The following PCDHA1 variants were observed in gnomAD, a reference collection of about 807,000 sequenced individuals.
PCDHA1 encodes the protein protocadherin alpha 1.
A neutral mutation model predicts 61.3 loss-of-function variants in PCDHA1; 42 were observed. The observed-to-expected ratio is 0.69, with a 90% CI of 0.54 to 0.89. The LOEUF (loss-of-function observed/expected upper bound fraction) is 0.89. Ranked by LOEUF, PCDHA1 falls within the 40% of genes least tolerant of loss-of-function variation. The pLI, the probability that PCDHA1 is intolerant of heterozygous loss-of-function variation, is 0.00. For synonymous variants in PCDHA1, 610 were observed against 553.8 expected (o/e 1.10, Z -1.43); for missense variants, 1,256 against 1,235.3 (o/e 1.02, Z -0.25).
intron 3 of PCDHA1, among the ~76,000 whole-genome samples, chr5:141,000,371 C>G (rs868969531): frequency 6.1e-5 from 3 of 49,260 alleles, no homozygotes; most frequent in Admixed American, 2.7e-4. Flanking sequence ...GTCTCTCTCT[C>G]TCTCTCTCTC....
chr5:140,969,249 A>G (rs1586364972), intron 1 of PCDHA1: 1 of 1,614,240 alleles, frequency 6.2e-7, no homozygotes, highest in Admixed American at 1.7e-5. Flanking sequence ...GCAGTGACTG[A>G]CAGCAGGAAT....
Position 140,829,171 on chromosome 5 carries a change from T to A in PCDHA1, c.2394+40487T>A, listed in dbSNP as rs1455829828. 14 of 1,614,036 alleles carry A rather than the reference T, an allele frequency of 8.7e-6. No individual in the cohort carries two copies. In the African/African-American group the frequency reaches 1.9e-4, roughly 22 times the overall value. ...TGACTTCCTTATCCTTGCCTGTACGTGAAGACGCTCAATTTGGTACTGTCA... is the reference window on the plus strand; with the variant it reads ...TGACTTCCTTATCCTTGCCTGTACGAGAAGACGCTCAATTTGGTACTGTCA... On this transcript the variant is annotated intron_variant, in intron 1 of 3. Coordinates refer to ENST00000504120, the MANE Select transcript of PCDHA1 (RefSeq NM_018900.4).
intron 1 of PCDHA1, among the ~76,000 whole-genome samples, chr5:140,976,568 TA>T (rs2096723296): frequency 6.6e-6 from 1 of 152,050 alleles, no homozygotes; most frequent in Non-Finnish European, 1.5e-5. Context: ...AATAAATAAA[TA>T]TAAATAAAAC....
chr5:140,862,863 G>A (rs782640328), intron 1 of PCDHA1: 1 of 507,610 alleles, frequency 2.0e-6, no homozygotes, highest in South Asian at 1.4e-5. Flanking sequence ...GCAATGTGAC[G>A]CTGCCAGGTA....
chr5:141,009,298 T>C (rs1196659486), intron 3 of PCDHA1, among the ~76,000 whole-genome samples: 1 of 152,130 alleles, frequency 6.6e-6, no homozygotes, highest in Non-Finnish European at 1.5e-5. Context: ...CTATAAAATT[T>C]TTTTTAAAAA....
intron 1 of PCDHA1, chr5:140,927,406 G>A (rs782729912): frequency 1.2e-6 from 2 of 1,614,210 alleles, no homozygotes; most frequent in Admixed American, 1.7e-5. Flanking sequence ...CTTTCGCCTG[G>A]ACATGGGATC....
Position 140,949,361 on chromosome 5 carries a change from G to C in PCDHA1, c.2395-29588G>C, listed in dbSNP as rs150004166. 4.9e-3 allele frequency among the ~76,000 whole-genome samples: 749 copies of C among 151,546 alleles called. 8 individuals are homozygous for C. The highest frequency in any genetic ancestry group is 0.017 in the African/African-American group (722 of 41,420). On this transcript the variant is annotated intron_variant, in intron 1 of 3. Coordinates refer to ENST00000504120, the MANE Select transcript of PCDHA1 (RefSeq NM_018900.4). ...AGATTTTCTGTGTCTTTATTTTTTT[G>C]TCTAGTTGTCCTATCAATTGCTCAG...
chr5:140,870,207 T>G, intron 1 of PCDHA1: 1 of 1,614,156 alleles, frequency 6.2e-7, no homozygotes, highest in Non-Finnish European at 8.5e-7. Flanking sequence ...GCACGGTCAT[T>G]GCCCTGATCA....
rs2150351099 is a variant in PCDHA1 at position 140,843,050 on chromosome 5, G to C, written c.2394+54366G>C. ...TCGGGTGGGTGGCACTGGTGGCGCA[G>C]CGAGCAAGCTGGTGCCGCGGTCTGT... On this transcript the variant is annotated intron_variant, in intron 1 of 3. Coordinates refer to ENST00000504120, the MANE Select transcript of PCDHA1 (RefSeq NM_018900.4). 4 of 1,595,142 alleles carry C rather than the reference G, an allele frequency of 2.5e-6. 1 individual carries two copies. The highest frequency in any genetic ancestry group is 3.4e-6 in the Non-Finnish European group (4 of 1,165,280).
intron 1 of PCDHA1, among the ~76,000 whole-genome samples, chr5:140,896,091 G>A (rs1353012571): frequency 2.0e-5 from 3 of 152,104 alleles, no homozygotes; most frequent in African/African-American, 2.4e-5. Flanking sequence ...GATTACAGGC[G>A]TGAGCCACTG....
chr5:140,809,728 C>A lies in PCDHA1; in HGVS notation c.2394+21044C>A, dbSNP rs1178917105. Reference sequence around the variant, plus strand: ...AAAGTCTTTTGGAATTATAGGACATCAGAGCAATATATATTGCCTTCCTTC... The same window carrying A: ...AAAGTCTTTTGGAATTATAGGACATAAGAGCAATATATATTGCCTTCCTTC... On this transcript the variant is annotated intron_variant, in intron 1 of 3. Coordinates refer to ENST00000504120, the MANE Select transcript of PCDHA1 (RefSeq NM_018900.4). 4 of 799,806 alleles carry A rather than the reference C, an allele frequency of 5.0e-6. No individual in the cohort carries two copies. In the East Asian group the frequency reaches 1.1e-4, roughly 21 times the overall value. 49.5% of individuals were successfully genotyped at this position (799,806 alleles called of 1,614,324 possible).
Position 140,786,528 on chromosome 5 carries a change from C to T in PCDHA1, c.238C>T (p.Gln80Ter). The T allele has an allele frequency of 3.7e-6, 6 of 1,614,138 alleles. No individual in the cohort carries two copies. Among genetic ancestry groups the T allele is most frequent in the Non-Finnish European group, 5.1e-6 (6 of 1,180,036 alleles). ...CAGGGACCTTCTGGAGGTAAATCTG[C>T]AGAATGGCATTTTGTTTGTGAATTC... is the stretch of plus-strand genomic sequence containing the variant. ...THRDLLEVNL[Q>*]NGILFVNSRI... is the part of the protein sequence containing the mutation. The change falls in exon 1 of 4, where the codon CAG becomes TAG. Residue 80 changes from glutamine (Q) to a stop codon, truncating the protein, a stop_gained. Coordinates refer to ENST00000504120, the MANE Select transcript of PCDHA1 (RefSeq NM_018900.4). LOFTEE classifies it high-confidence loss of function.
At chr5:140,978,703 G>A (rs556167285) in intron 1 of PCDHA1, among the ~76,000 whole-genome samples, 9 of 152,210 alleles carry the variant, frequency 5.9e-5, no homozygotes, top group Non-Finnish European at 1.3e-4. Flanking sequence ...AGCCAAAGGT[G>A]GCCTTTACAA....
intron 1 of PCDHA1, among the ~76,000 whole-genome samples, chr5:140,833,473 A>T (rs1772481648): frequency 6.6e-6 from 1 of 152,222 alleles, no homozygotes; most frequent in African/African-American, 2.4e-5. Context: ...ATTTTAAAAG[A>T]AATAATACAA....
intron 1 of PCDHA1, chr5:140,883,883 G>A (rs1554180418): frequency 1.2e-6 from 2 of 1,613,320 alleles, no homozygotes; most frequent in South Asian, 1.1e-5. Flanking sequence ...GAGCGCGCGC[G>A]ACTCTGGCGT....
intron 1 of PCDHA1, among the ~76,000 whole-genome samples, chr5:140,934,783 A>C (rs2090034582): frequency 6.6e-6 from 1 of 152,180 alleles, no homozygotes; most frequent in Non-Finnish European, 1.5e-5. Context: ...GGCCCAATCC[A>C]TGTCAATTAT....
At chr5:140,971,244 A>G (rs1389573593) in intron 1 of PCDHA1, among the ~76,000 whole-genome samples, 6 of 152,174 alleles carry the variant, frequency 3.9e-5, no homozygotes, top group Non-Finnish European at 8.8e-5. Context: ...GGGCAATTTG[A>G]TACATAAACT....
At chr5:140,802,950 G>T (rs1206653490) in intron 1 of PCDHA1, 73 of 1,613,808 alleles carry the variant, frequency 4.5e-5, no homozygotes, top group Non-Finnish European at 6.0e-5. Flanking sequence ...GCCGCGGTCA[G>T]TGGGTGCGGG....
In PCDHA1 at chr5:140,786,686, C is replaced by A. The variant is rs143918125; in HGVS notation, c.396C>A (p.Val132=). 6.9e-4 allele frequency: 1,114 copies of A among 1,614,228 alleles called. 10 individuals are homozygous for A. The African/African-American group carries it at 0.013, about 20-fold the overall frequency. The part of the protein sequence containing the change: ...KVKDINDNPP[V]FRGREQIIFI... ...AAGACATTAACGATAATCCACCCGT[C>A]TTCAGGGGCAGAGAACAAATAATAT... The change falls in exon 1 of 4, where the codon GTC becomes GTA. Residue 132 remains valine (V), a synonymous_variant. Coordinates refer to ENST00000504120, the MANE Select transcript of PCDHA1 (RefSeq NM_018900.4).
Sources: allele counts gnomAD v4.1 joint callset (sites outside exome capture counted in the v4.1 genomes callset), GRCh38; gene constraint gnomAD v4.1.1; transcripts MANE v1.5; gene names NCBI Gene and HGNC (gene_info 2026-07-23, HGNC 2026-07-21).